Variants in CDH9 observed in about 807,000 individuals in gnomAD.
The protein encoded by CDH9 is cadherin 9.
CDH9 carries 28 observed loss-of-function variants against 70.9 expected under a neutral mutation model. The observed-to-expected ratio is 0.40, with a 90% CI of 0.29 to 0.54. The LOEUF (loss-of-function observed/expected upper bound fraction) is 0.54, where lower values mean the gene tolerates loss of function less well. Among genes scored for constraint, CDH9 ranks in the 20% least tolerant of loss-of-function variants. CDH9 has a pLI of 0.59. For missense variants in CDH9, 874 were observed against 984.4 expected, an observed-to-expected ratio of 0.89 and a Z score of 1.50; for synonymous variants, 409 against 343.1, an observed-to-expected ratio of 1.19 and a Z score of -2.12.
chr5:27,027,680 C>G (rs1022359480), intron 1 of CDH9, among the ~76,000 whole-genome samples: 8 of 151,966 alleles, frequency 5.3e-5, no homozygotes, highest in Non-Finnish European at 1.0e-4. Flanking sequence ...AAAATATTGC[C>G]TACTAAACTT....
chr5:27,026,897 A>G (rs544916977), intron 1 of CDH9, among the ~76,000 whole-genome samples: 98 of 152,116 alleles, frequency 6.4e-4, no homozygotes, highest in Middle Eastern at 3.4e-3. Flanking sequence ...TCAAACCACA[A>G]TAAAATCCTT....
intron 2 of CDH9, among the ~76,000 whole-genome samples, chr5:26,980,793 T>A (rs1742386088): frequency 2.0e-5 from 3 of 152,064 alleles, no homozygotes. Context: ...TTTTCTGAAC[T>A]GAGGCTATTA....
At chr5:26,889,256 G>A (rs1466943077) in intron 9 of CDH9, among the ~76,000 whole-genome samples, 1 of 151,892 alleles carries the variant, frequency 6.6e-6, no homozygotes, top group East Asian at 1.9e-4. Flanking sequence ...AGCATATTCT[G>A]CATTTATTTA....
At chr5:26,934,121 G>C (rs752216157) in intron 2 of CDH9, among the ~76,000 whole-genome samples, 5 of 152,040 alleles carry the variant, frequency 3.3e-5, no homozygotes, top group Non-Finnish European at 7.4e-5. Context: ...AAGAGAGAGG[G>C]GAGAAAGGTG....
intron 2 of CDH9, among the ~76,000 whole-genome samples, chr5:26,959,334 T>C (rs995075630): frequency 3.2e-4 from 48 of 152,192 alleles, no homozygotes; most frequent in African/African-American, 1.1e-3. Context: ...AGAGTAGGCA[T>C]ATTTTAAAAA....
chr5:26,899,043 T>C, intron 7 of CDH9, among the ~76,000 whole-genome samples: 1 of 152,072 alleles, frequency 6.6e-6, no homozygotes, highest in Non-Finnish European at 1.5e-5. Flanking sequence ...AAGAAGACAT[T>C]TATGCGGCCA....
intron 1 of CDH9, among the ~76,000 whole-genome samples, chr5:27,028,945 T>A (rs931012395): frequency 6.6e-6 from 1 of 152,002 alleles, no homozygotes; most frequent in East Asian, 1.9e-4. Context: ...AAGGAATTGT[T>A]GGCCACGTGA....
At chr5:26,971,652 A>C (rs1742219897) in intron 2 of CDH9, among the ~76,000 whole-genome samples, 1 of 152,184 alleles carries the variant, frequency 6.6e-6, no homozygotes. Flanking sequence ...TGATCTAACA[A>C]ATGTGTTTCT....
chr5:26,961,415 G>C (rs1389714820), intron 2 of CDH9, among the ~76,000 whole-genome samples: 1 of 151,816 alleles, frequency 6.6e-6, no homozygotes, highest in Non-Finnish European at 1.5e-5. Context: ...ACCCCTCAAT[G>C]GTTATAATTT....
intron 7 of CDH9, among the ~76,000 whole-genome samples, chr5:26,895,651 C>T (rs1740736971): frequency 6.6e-6 from 1 of 151,982 alleles, no homozygotes; most frequent in South Asian, 2.1e-4. Flanking sequence ...TTCGTGATTA[C>T]TAATGAGGTG....
At chr5:26,898,821 G>T (rs1740799464) in intron 7 of CDH9, among the ~76,000 whole-genome samples, 1 of 152,162 alleles carries the variant, frequency 6.6e-6, no homozygotes, top group Non-Finnish European at 1.5e-5. Context: ...ATTGATAAAT[G>T]AGATCTAATT....
At chr5:26,958,098 A>C (rs923597634) in intron 2 of CDH9, among the ~76,000 whole-genome samples, 2 of 152,208 alleles carry the variant, frequency 1.3e-5, no homozygotes, top group African/African-American at 2.4e-5. Context: ...CAAAAGATTC[A>C]GAAAACAACA....
chr5:26,958,093 G>T (rs1030770228), intron 2 of CDH9, among the ~76,000 whole-genome samples: 1 of 152,134 alleles, frequency 6.6e-6, no homozygotes, highest in African/African-American at 2.4e-5. Context: ...AGAGACAAAA[G>T]ATTCAGAAAA....
At chr5:26,882,914 C>G (rs1740490922) in intron 11 of CDH9, among the ~76,000 whole-genome samples, 1 of 151,132 alleles carries the variant, frequency 6.6e-6, no homozygotes, top group South Asian at 2.1e-4. Context: ...GTTATTTTCA[C>G]ATTGGCCAGC....
intron 1 of CDH9, among the ~76,000 whole-genome samples, chr5:26,990,365 C>T (rs1742560401): frequency 6.6e-6 from 1 of 152,090 alleles, no homozygotes. Context: ...GCTCTTAATG[C>T]AAACATATGG....
In CDH9 at chr5:26,951,366, G is replaced by A. The variant is rs199707028; in HGVS notation, c.229-35442C>T. Among the ~76,000 whole-genome samples the A allele has an allele frequency of 2.8e-5, 4 of 144,870 alleles. No individual in the cohort carries two copies. The East Asian group carries it at 8.8e-4, about 32-fold the overall frequency. On this transcript the variant is annotated intron_variant, in intron 2 of 11. Coordinates refer to ENST00000231021, the MANE Select transcript of CDH9 (RefSeq NM_016279.4). ...CCTCGTAACCATGCTCAGAATAGAT[G>A]TCCTAAAAACAAACTAATGGTATTT...
chr5:26,963,744 G>A (rs1479680588), intron 2 of CDH9, among the ~76,000 whole-genome samples: 2 of 151,964 alleles, frequency 1.3e-5, no homozygotes, highest in Non-Finnish European at 2.9e-5. Context: ...TAAAAAAAAA[G>A]ATACATCATT....
chr5:27,010,013 C>T (rs543353528), intron 1 of CDH9, among the ~76,000 whole-genome samples: 248 of 152,052 alleles, frequency 1.6e-3, no homozygotes, highest in African/African-American at 4.0e-3. Flanking sequence ...GAACCCTTGG[C>T]GGAGTCCTTA....
intron 2 of CDH9, among the ~76,000 whole-genome samples, chr5:26,945,021 T>C (rs7715570): frequency 0.9 from 136,599 of 152,172 alleles, 61,441 homozygotes; most frequent in East Asian, 0.99. Flanking sequence ...AACATTTCTC[T>C]TATTTGTACT....
Sources: allele counts gnomAD v4.1 joint callset (sites outside exome capture counted in the v4.1 genomes callset), GRCh38; gene constraint gnomAD v4.1.1; transcripts MANE v1.5; gene names NCBI Gene and HGNC (gene_info 2026-07-23, HGNC 2026-07-21).